The following ARPP21 variants were observed in gnomAD, a reference collection of about 807,000 sequenced individuals.
ARPP21 encodes the protein cAMP-regulated phosphoprotein 21.
ARPP21 carries 69 observed loss-of-function variants against 113.2 expected under a neutral mutation model. That is an observed-to-expected ratio of 0.61 (90% confidence interval 0.50 to 0.74). The LOEUF is 0.74. Among genes scored for constraint, ARPP21 ranks in the 30% least tolerant of loss-of-function variants. The probability of loss-of-function intolerance (pLI) is 0.00; values close to 1 mark genes in which losing one functional copy is unlikely to be tolerated. For synonymous variants in ARPP21, 368 were observed against 375.5 expected (o/e 0.98, Z 0.23); for missense variants, 1,070 against 1,037.4 (o/e 1.03, Z -0.43).
Position 35,709,926 on chromosome 3 carries a change from G to A in ARPP21, c.897+856G>A, listed in dbSNP as rs17754387. Among the ~76,000 whole-genome samples, 513 of 152,256 alleles carry A rather than the reference G, an allele frequency of 3.4e-3. 3 individuals carry two copies. The highest frequency in any genetic ancestry group is 0.011 in the African/African-American group (475 of 41,534). On this transcript the variant is annotated intron_variant, in intron 11 of 20. Coordinates refer to ENST00000684406, the MANE Select transcript of ARPP21 (RefSeq NM_001385562.1). Reference sequence around the variant, plus strand: ...TCTCCTGCTGTGATCTGCTTCTGGAGACAACACAAAGCCAGCCCAGAGAAG... The same window carrying A: ...TCTCCTGCTGTGATCTGCTTCTGGAAACAACACAAAGCCAGCCCAGAGAAG...
At chr3:35,714,598 A>G (rs2150151054) in intron 11 of ARPP21, among the ~76,000 whole-genome samples, 1 of 152,284 alleles carries the variant, frequency 6.6e-6, no homozygotes, top group African/African-American at 2.4e-5. Context: ...TACTTTCTAA[A>G]TACAGTCACC....
intron 15 of ARPP21, among the ~76,000 whole-genome samples, chr3:35,736,743 T>C (rs142503613): frequency 6.6e-6 from 1 of 152,312 alleles, no homozygotes; most frequent in African/African-American, 2.4e-5. Flanking sequence ...ATAAATGTAT[T>C]GGTAAATAAC....
At chr3:35,667,149 T>G (rs376171696) in intron 1 of ARPP21, among the ~76,000 whole-genome samples, 1 of 152,222 alleles carries the variant, frequency 6.6e-6, no homozygotes, top group Non-Finnish European at 1.5e-5. Context: ...AGTCCTATTA[T>G]CCTACATTCT....
intron 19 of ARPP21, among the ~76,000 whole-genome samples, chr3:35,768,364 G>A (rs2096065935): frequency 6.6e-6 from 1 of 151,976 alleles, no homozygotes; most frequent in African/African-American, 2.4e-5. Flanking sequence ...GTGGAAGGAG[G>A]CCTATCATTT....
chr3:35,664,413 C>G (rs536426018), intron 1 of ARPP21, among the ~76,000 whole-genome samples: 4 of 152,212 alleles, frequency 2.6e-5, no homozygotes, highest in African/African-American at 9.6e-5. Context: ...CTGAGTGTAA[C>G]TTTGTACCTG....
At chr3:35,683,105 C>T (rs979967455) in intron 4 of ARPP21, among the ~76,000 whole-genome samples, 25 of 151,586 alleles carry the variant, frequency 1.6e-4, no homozygotes, top group African/African-American at 5.1e-4. Context: ...ATTTAGTGTT[C>T]AAATAGCTGC....
At chr3:35,713,246 TTA>T (rs763849793) in intron 11 of ARPP21, among the ~76,000 whole-genome samples, 14 of 3,072 alleles carry the variant, frequency 4.6e-3, no homozygotes, top group African/African-American at 5.4e-3. Flanking sequence ...ACTACTTTTT[TTA>T]AAAAAAAGTT....
At chr3:35,782,605 G>A (rs761759219) in intron 19 of ARPP21, among the ~76,000 whole-genome samples, 8 of 151,958 alleles carry the variant, frequency 5.3e-5, no homozygotes, top group Non-Finnish European at 1.2e-4. Context: ...GATTCAGAGG[G>A]AAAGTTAAAC....
chr3:35,667,987 GAAGAAGAAGAA>G (rs2075169106), intron 1 of ARPP21, among the ~76,000 whole-genome samples: 1 of 147,160 alleles, frequency 6.8e-6, no homozygotes, highest in Non-Finnish European at 1.5e-5. Context: ...AGAAGAAGAA[GAAGAAGAAGAA>G]GAAGAAGAAG....
At chr3:35,671,657 C>T (rs533783897) in intron 1 of ARPP21, among the ~76,000 whole-genome samples, 4 of 152,148 alleles carry the variant, frequency 2.6e-5, no homozygotes, top group East Asian at 1.9e-4. Flanking sequence ...ACCGTTGCCC[C>T]TGAACTGTGT....
At chr3:35,793,287 G>A (rs146912384) in intron 20 of ARPP21, among the ~76,000 whole-genome samples, 23 of 152,270 alleles carry the variant, frequency 1.5e-4, no homozygotes, top group East Asian at 1.2e-3. Context: ...AGGACTCCAG[G>A]CCACTTTGCA....
At chr3:35,684,962 T>G in intron 5 of ARPP21, 2 of 984,316 alleles carry the variant, frequency 2.0e-6, no homozygotes, top group Non-Finnish European at 2.4e-6. Flanking sequence ...TGCTTCTCTT[T>G]TTAATGGAGA....
intron 11 of ARPP21, among the ~76,000 whole-genome samples, chr3:35,710,863 G>T (rs138911593): frequency 1.3e-5 from 2 of 152,242 alleles, no homozygotes; most frequent in East Asian, 3.9e-4. Flanking sequence ...TCTATACATT[G>T]CATTTCCTTA....
intron 19 of ARPP21, among the ~76,000 whole-genome samples, chr3:35,755,956 T>A (rs2095554712): frequency 6.6e-6 from 1 of 152,098 alleles, no homozygotes; most frequent in Non-Finnish European, 1.5e-5. Flanking sequence ...CAGAAGTAAG[T>A]ACCCCTGAAA....
intron 19 of ARPP21, among the ~76,000 whole-genome samples, chr3:35,778,168 C>G (rs1267574986): frequency 1.3e-5 from 2 of 152,138 alleles, no homozygotes; most frequent in African/African-American, 2.4e-5. Context: ...TAGATTGCCT[C>G]AGTAGTTTGG....
chr3:35,743,439 A>T (rs2150867159), intron 18 of ARPP21, among the ~76,000 whole-genome samples: 1 of 152,296 alleles, frequency 6.6e-6, no homozygotes, highest in Middle Eastern at 3.4e-3. Context: ...CATGCCTGGA[A>T]CTGGAGGGTA....
intron 19 of ARPP21, among the ~76,000 whole-genome samples, chr3:35,754,982 A>C (rs1348300719): frequency 6.6e-6 from 1 of 152,064 alleles, no homozygotes; most frequent in East Asian, 1.9e-4. Flanking sequence ...AAGAAAAGAA[A>C]GGTGGCAAGT....
intron 1 of ARPP21, among the ~76,000 whole-genome samples, chr3:35,670,700 C>T (rs985512657): frequency 6.6e-6 from 1 of 152,058 alleles, no homozygotes; most frequent in Non-Finnish European, 1.5e-5. Context: ...TGGGAAAGTA[C>T]CTTCTGGCTA....
chr3:35,703,279 G>A (rs1513473), intron 9 of ARPP21, among the ~76,000 whole-genome samples: 16,668 of 151,714 alleles, frequency 0.11, 941 homozygotes, highest in Non-Finnish European at 0.12. Flanking sequence ...AGCTTCAAGG[G>A]GGAAAAAACT....
Sources: allele counts gnomAD v4.1 joint callset (sites outside exome capture counted in the v4.1 genomes callset), GRCh38; gene constraint gnomAD v4.1.1; transcripts MANE v1.5; gene names NCBI Gene and HGNC (gene_info 2026-07-23, HGNC 2026-07-21).